Variants in DRD5 observed in about 807,000 individuals in gnomAD.
DRD5 encodes D(1B) dopamine receptor.
For missense variants in DRD5, 758 were observed against 657.8 expected (o/e 1.15, Z -1.67); for synonymous variants, 327 against 277.1 (o/e 1.18, Z -1.79).
Position 9,783,135 on chromosome 4 carries a change from T to G in DRD5, c.1106T>G (p.Phe369Cys). Residue 369 changes from phenylalanine (F) to cysteine (C), a missense_variant, in exon 1 of 1, where the codon TTT becomes TGT. Transcript: ENST00000304374. ...YAFNADFQKV[F>C]AQLLGCSHFC... is the part of the protein sequence containing the mutation. ...TTCAACGCCGACTTTCAGAAGGTGT[T>G]TGCCCAGCTGCTGGGGTGCAGCCAC... 1 of 1,614,246 alleles carries G rather than the reference T, an allele frequency of 6.2e-7. No homozygotes were observed.
Position 9,782,261 on chromosome 4 carries a change from G to A in DRD5, c.232G>A (p.Val78Ile), listed in dbSNP as rs764263788. 6 of 1,613,872 alleles carry A rather than the reference G, an allele frequency of 3.7e-6. No individual in the cohort carries two copies. The South Asian group carries it at 5.5e-5, about 15-fold the overall frequency. The change falls in exon 1 of 1, where the codon GTC becomes ATC. Residue 78 changes from valine (V) to isoleucine (I), a missense_variant. Physicochemically the swap from Val to Ile is conservative, Grantham distance 29. Transcript: ENST00000304374. ...SRHLRANMTN[V>I]FIVSLAVSDL... is the part of the protein sequence containing the mutation. ...CCACCTGCGCGCCAACATGACCAAC[G>A]TCTTCATCGTGTCTCTGGCCGTGTC...
In DRD5 at chr4:9,783,170, C is replaced by G; in HGVS notation, c.1141C>G (p.Arg381Gly). 2.5e-6 allele frequency: 4 copies of G among 1,614,224 alleles called. No homozygotes were observed. Among genetic ancestry groups the G allele is most frequent in the Non-Finnish European group, 3.4e-6 (4 of 1,180,042 alleles). Residue 381 changes from arginine to glycine, a missense_variant, in exon 1 of 1, where the codon CGC becomes GGC. By Grantham distance (125) the Arg-to-Gly change is moderately radical (BLOSUM62 -2). Transcript: ENST00000304374. ...QLLGCSHFCS[R>G]TPVETVNISN... ...GCTGGGGTGCAGCCACTTCTGCTCC[C>G]GCACGCCGGTGGAGACGGTGAACAT...
rs1313148404 is a variant in DRD5, at chr4:9,783,452, G to A, written c.1423G>A (p.Gly475Arg). Reference sequence around the variant, plus strand: ...CAAAATAACACCTTTCACCCCGAATGGATTCCATTAAACTGCATTAAGAAA... The same window carrying A: ...CAAAATAACACCTTTCACCCCGAATAGATTCCATTAAACTGCATTAAGAAA... ...LDKITPFTPN[G>R]FH The change falls in exon 1 of 1, where the codon GGA becomes AGA. Residue 475 changes from glycine (G) to arginine (R), a missense_variant. Transcript: ENST00000304374. The A allele has an allele frequency of 6.2e-7, 1 of 1,607,334 alleles. No individual in the cohort carries two copies. The highest frequency in any genetic ancestry group is 8.5e-7 in the Non-Finnish European group (1 of 1,175,902).
rs780561302 is a variant in DRD5 at position 9,782,233 on chromosome 4, C to A, written c.204C>A (p.Ser68Arg). 13 of 1,613,044 alleles carry A rather than the reference C, an allele frequency of 8.1e-6. No individual in the cohort carries two copies. The highest frequency in any genetic ancestry group is 1.0e-5 in the Non-Finnish European group (12 of 1,179,780). ...NVLVCAAIVR[S>R]RHLRANMTNV... ...TGGTGTGCGCAGCCATCGTGCGGAG[C>A]CGCCACCTGCGCGCCAACATGACCA... Residue 68 changes from serine (S) to arginine (R), a missense_variant, in exon 1 of 1, where the codon AGC becomes AGA. Ser to Arg is a moderately radical substitution (Grantham distance 110). Transcript: ENST00000304374.
At position 9,783,070 on chromosome 4, in the gene DRD5, C is replaced by A. The variant is rs780675145; in HGVS notation, c.1041C>A (p.Phe347Leu). 7 of 1,614,234 alleles carry A rather than the reference C, an allele frequency of 4.3e-6. No individual in the cohort carries two copies. In the South Asian group the frequency reaches 7.7e-5, roughly 18 times the overall value. ...CCACCTTCGACGTCTTCGTCTGGTT[C>A]GGCTGGGCTAACTCCTCACTCAACC... Reference protein sequence around the residue: ...SETTFDVFVWFGWANSSLNPV... With the variant: ...SETTFDVFVWLGWANSSLNPV... Residue 347 changes from phenylalanine (F) to leucine (L), a missense_variant, in exon 1 of 1, where the codon TTC becomes TTA. Physicochemically the swap from Phe to Leu is conservative, Grantham distance 22. Coordinates refer to ENST00000304374, the MANE Select transcript of DRD5 (RefSeq NM_000798.5).
At position 9,783,532 on chromosome 4, in the gene DRD5, C is replaced by T; in HGVS notation, c.*69C>T. 7.2e-7 allele frequency: 1 copy of T among 1,391,722 alleles called. No homozygotes were observed. Among genetic ancestry groups the T allele is most frequent in the Non-Finnish European group, 9.8e-7 (1 of 1,018,404 alleles). The allele number at this position is 1,391,722 out of a possible 1,614,324, so 86.2% of individuals were successfully genotyped here. On this transcript the variant is annotated 3_prime_UTR_variant, in exon 1 of 1. Coordinates refer to ENST00000304374, the MANE Select transcript of DRD5 (RefSeq NM_000798.5). ...ACATTGACAAGCACGCACACACACG[C>T]AAATACATGCCTTTCCAGTGCTGCT...
In DRD5 at chr4:9,781,856, AAG is replaced by A; in HGVS notation, c.-170_-169del. On this transcript the variant is annotated 5_prime_UTR_variant, in exon 1 of 1. An upstream open reading frame in the 5' UTR loses its in-frame stop. Coordinates refer to ENST00000304374, the MANE Select transcript of DRD5 (RefSeq NM_000798.5). ...TGGAGCCAGAGGCGCTTCAGGAGGC[AAG>A]AGAAGTCCCCGCGCGCTCCGCAGCC... 1 of 519,470 alleles carries A rather than the reference AAG, an allele frequency of 1.9e-6. No homozygotes were observed. Among genetic ancestry groups the A allele is most frequent in the Non-Finnish European group, 3.2e-6 (1 of 312,890 alleles). 32.2% of individuals were successfully genotyped at this position (519,470 alleles called of 1,614,324 possible).
In DRD5 at chr4:9,783,092, A is replaced by G; in HGVS notation, c.1063A>G (p.Asn355Asp). The change falls in exon 1 of 1, where the codon AAC becomes GAC. Residue 355 changes from asparagine to aspartate, a missense_variant. Physicochemically the swap from Asn to Asp is conservative, Grantham distance 23. Coordinates refer to ENST00000304374, the MANE Select transcript of DRD5 (RefSeq NM_000798.5). The part of the protein sequence containing the change: ...VWFGWANSSL[N>D]PVIYAFNADF... ...GTTCGGCTGGGCTAACTCCTCACTC[A>G]ACCCCGTCATCTATGCCTTCAACGC... 1 of 1,614,118 alleles carries G rather than the reference A, an allele frequency of 6.2e-7. No individual in the cohort carries two copies.
chr4:9,781,652 G>A lies in DRD5; in HGVS notation c.-378G>A, dbSNP rs1322544582. The A allele has an allele frequency of 5.5e-5, 10 of 182,862 alleles. No homozygotes were observed. Among genetic ancestry groups the A allele is most frequent in the Non-Finnish European group, 9.0e-5 (8 of 88,762 alleles). 11.3% of individuals were successfully genotyped at this position (182,862 alleles called of 1,614,324 possible). A position where few individuals can be genotyped will look rare whatever the true frequency, so the allele number is the denominator to read the frequency against. ...GCGCCTCAGTGCCAGCCTGGCGCCCGCGACTGCCTGCCCCAGCCCCTCAGT... is the reference window on the plus strand; with the variant it reads ...GCGCCTCAGTGCCAGCCTGGCGCCCACGACTGCCTGCCCCAGCCCCTCAGT... On this transcript the variant is annotated 5_prime_UTR_variant, in exon 1 of 1. Coordinates refer to ENST00000304374, the MANE Select transcript of DRD5 (RefSeq NM_000798.5).
At position 9,783,365 on chromosome 4, in the gene DRD5, G is replaced by T; in HGVS notation, c.1336G>T (p.Asp446Tyr). Residue 446 changes from aspartate to tyrosine, a missense_variant, in exon 1 of 1, where the codon GAT (aspartate) becomes TAT (tyrosine). Physicochemically the swap from Asp to Tyr is radical, Grantham distance 160. Coordinates refer to ENST00000304374, the MANE Select transcript of DRD5 (RefSeq NM_000798.5). ...GTTCCAGATCTATCAGACGTCCCCA[G>T]ATGGTGACCCTGTTGCTGAGTCTGT... ...RMFQIYQTSP[D>Y]GDPVAESVWE... 1 of 1,614,250 alleles carries T rather than the reference G, an allele frequency of 6.2e-7. No individual in the cohort carries two copies. The highest frequency in any genetic ancestry group is 1.1e-5 in the South Asian group (1 of 91,084).
At position 9,782,630 on chromosome 4, in the gene DRD5, A is replaced by G. The variant is rs781170757; in HGVS notation, c.601A>G (p.Thr201Ala). 1 of 1,613,950 alleles carries G rather than the reference A, an allele frequency of 6.2e-7. No individual in the cohort carries two copies. The highest frequency in any genetic ancestry group is 8.5e-7 in the Non-Finnish European group (1 of 1,179,848). Residue 201 changes from threonine (T) to alanine (A), a missense_variant, in exon 1 of 1, where the codon ACG becomes GCG. Physicochemically the swap from Thr to Ala is moderately conservative, Grantham distance 58 (BLOSUM62 0). Transcript: ENST00000304374. ...CCTGCCAAACAACCTGGCCAACTGG[A>G]CGCCCTGGGAGGAGGACTTTTGGGA... ...LDLPNNLANW[T>A]PWEEDFWEPD... is the part of the protein sequence containing the mutation.
Position 9,782,074 on chromosome 4 carries a change from C to G in DRD5, c.45C>G (p.Phe15Leu), listed in dbSNP as rs772510703. 1.2e-5 allele frequency: 18 copies of G among 1,501,392 alleles called. No homozygotes were observed. The highest frequency in any genetic ancestry group is 1.6e-5 in the Non-Finnish European group (18 of 1,128,450). The allele number at this position is 1,501,392 out of a possible 1,614,324, so 93.0% of individuals were successfully genotyped here. A position where few individuals can be genotyped will look rare whatever the true frequency, so the allele number is the denominator to read the frequency against. ...GSNGTAYPGQ[F>L]ALYQQLAQGN... ...ACGGCACCGCGTACCCGGGGCAGTT[C>G]GCTCTATACCAGCAGCTGGCGCAGG... Residue 15 changes from phenylalanine to leucine, a missense_variant, in exon 1 of 1, where the codon TTC becomes TTG. Coordinates refer to ENST00000304374, the MANE Select transcript of DRD5 (RefSeq NM_000798.5).
At position 9,781,941 on chromosome 4, in the gene DRD5, G is replaced by T; in HGVS notation, c.-89G>T. The T allele has an allele frequency of 8.7e-7, 1 of 1,149,504 alleles. No homozygotes were observed. Among genetic ancestry groups the T allele is most frequent in the Non-Finnish European group, 1.2e-6 (1 of 859,826 alleles). The allele number at this position is 1,149,504 out of a possible 1,614,324, so 71.2% of individuals were successfully genotyped here. On this transcript the variant is annotated 5_prime_UTR_variant, in exon 1 of 1. Coordinates refer to ENST00000304374, the MANE Select transcript of DRD5 (RefSeq NM_000798.5). ...TCGAGGGTCCCTTGGCTGAGGGGGC[G>T]CATCCTCGGGGTGCCCGATGGGGCT... is the stretch of plus-strand genomic sequence containing the variant.
In DRD5 at chr4:9,782,435, G is replaced by A; in HGVS notation, c.406G>A (p.Val136Met). ...CATCCTGAACCTGTGCGTCATCAGC[G>A]TGGACCGCTACTGGGCCATCTCCAG... is the stretch of plus-strand genomic sequence containing the variant. ...ASILNLCVISVDRYWAISRPF... is the reference protein window; with the variant it reads ...ASILNLCVISMDRYWAISRPF... Residue 136 changes from valine to methionine, a missense_variant, in exon 1 of 1, where the codon GTG becomes ATG. Coordinates refer to ENST00000304374, the MANE Select transcript of DRD5 (RefSeq NM_000798.5). 3 of 1,614,022 alleles carry A rather than the reference G, an allele frequency of 1.9e-6. No homozygotes were observed.
In DRD5 at chr4:9,783,351, A is replaced by G; in HGVS notation, c.1322A>G (p.Tyr441Cys). The change falls in exon 1 of 1, where the codon TAT becomes TGT. Residue 441 changes from tyrosine to cysteine, a missense_variant. Tyr to Cys is a radical substitution (Grantham distance 194). Coordinates refer to ENST00000304374, the MANE Select transcript of DRD5 (RefSeq NM_000798.5). Reference sequence around the variant, plus strand: ...CCTTTCGATCGCATGTTCCAGATCTATCAGACGTCCCCAGATGGTGACCCT... The same window carrying G: ...CCTTTCGATCGCATGTTCCAGATCTGTCAGACGTCCCCAGATGGTGACCCT... Reference protein sequence around the residue: ...EGPFDRMFQIYQTSPDGDPVA... With the variant: ...EGPFDRMFQICQTSPDGDPVA... The G allele has an allele frequency of 3.7e-6, 6 of 1,614,238 alleles. No individual in the cohort carries two copies. Among genetic ancestry groups the G allele is most frequent in the Non-Finnish European group, 5.1e-6 (6 of 1,180,044 alleles).
At position 9,783,444 on chromosome 4, in the gene DRD5, C is replaced by A. The variant is rs1454287254; in HGVS notation, c.1415C>A (p.Thr472Asn). Residue 472 changes from threonine (T) to asparagine (N), a missense_variant, in exon 1 of 1, where the codon ACC (threonine) becomes AAC (asparagine). Physicochemically the swap from Thr to Asn is moderately conservative, Grantham distance 65. Transcript: ENST00000304374. ...EISLDKITPFTPNGFH is the reference protein window; with the variant it reads ...EISLDKITPFNPNGFH The stretch of plus-strand genomic sequence containing the variant: ...TCTTTAGACAAAATAACACCTTTCA[C>A]CCCGAATGGATTCCATTAAACTGCA... 6.2e-7 allele frequency: 1 copy of A among 1,609,484 alleles called. No homozygotes were observed. Among genetic ancestry groups the A allele is most frequent in the Non-Finnish European group, 8.5e-7 (1 of 1,177,018 alleles).
In DRD5 at chr4:9,782,836, G is replaced by T. The variant is rs772098739; in HGVS notation, c.807G>T (p.Ala269=). The T allele has an allele frequency of 1.1e-5, 18 of 1,612,892 alleles. 1 individual carries two copies. The highest frequency in any genetic ancestry group is 1.7e-5 in the Admixed American group (1 of 59,962). The change falls in exon 1 of 1, where the codon GCG becomes GCT. Residue 269 remains alanine, a synonymous_variant. Coordinates refer to ENST00000304374, the MANE Select transcript of DRD5 (RefSeq NM_000798.5). ...CCCTGGAGAGGGCCGCAGAGCACGCGCAGAGCTGCCGGAGCAGCGCAGCCT... is the reference window on the plus strand; with the variant it reads ...CCCTGGAGAGGGCCGCAGAGCACGCTCAGAGCTGCCGGAGCAGCGCAGCCT... ...ISSLERAAEH[A]QSCRSSAACA... is the part of the protein sequence containing the mutation.
In DRD5 at chr4:9,783,515, A is replaced by G. The variant is rs766615396; in HGVS notation, c.*52A>G. 6.7e-7 allele frequency: 1 copy of G among 1,497,588 alleles called. No homozygotes were observed. The highest frequency in any genetic ancestry group is 2.0e-5 in the Admixed American group (1 of 50,738). The allele number at this position is 1,497,588 out of a possible 1,614,324, so 92.8% of individuals were successfully genotyped here. ...TCTGCATAACCGCACAGACATTGAC[A>G]AGCACGCACACACACGCAAATACAT... On this transcript the variant is annotated 3_prime_UTR_variant, in exon 1 of 1. Coordinates refer to ENST00000304374, the MANE Select transcript of DRD5 (RefSeq NM_000798.5).
At position 9,783,569 on chromosome 4, in the gene DRD5, G is replaced by GT. The variant is rs1718820059; in HGVS notation, c.*107dup. ...TTTCCAGTGCTGCTCCCTTTATCAT[G>GT]TGTTTCTGTGTAGTAGCTCGTGTGC... On this transcript the variant is annotated 3_prime_UTR_variant, in exon 1 of 1. Transcript: ENST00000304374. 9.2e-7 allele frequency: 1 copy of GT among 1,084,042 alleles called. No homozygotes were observed. Among genetic ancestry groups the GT allele is most frequent in the Admixed American group, 2.8e-5 (1 of 35,536 alleles). The allele number at this position is 1,084,042 out of a possible 1,614,324, so 67.2% of individuals were successfully genotyped here. A position where few individuals can be genotyped will look rare whatever the true frequency, so the allele number is the denominator to read the frequency against.
Sources: gnomAD v4.1 joint callset for allele counts on GRCh38, gnomAD v4.1.1 for gene constraint, MANE v1.5 for transcripts, NCBI Gene and HGNC (gene_info 2026-07-23, HGNC 2026-07-21) for gene names.